TRPM8: variants seen among roughly 807,000 people sequenced by gnomAD.
The protein encoded by TRPM8 is transient receptor potential cation channel subfamily M member 8.
In TRPM8, 110 loss-of-function variants were observed where a neutral mutation model predicts 133.7. The ratio of observed to expected loss-of-function variants is 0.82; its 90% CI spans 0.70 to 0.96. The LOEUF (loss-of-function observed/expected upper bound fraction) is 0.96. Among genes scored for constraint, TRPM8 ranks in the 40% least tolerant of loss-of-function variants. The probability of loss-of-function intolerance (pLI) is 0.00; values close to 1 mark genes in which losing one functional copy is unlikely to be tolerated. For missense variants in TRPM8, 1,291 were observed against 1,379.5 expected (o/e 0.94, Z 1.02); for synonymous variants, 535 against 532.3 (o/e 1.01, Z -0.07).
chr2:234,017,178 G>A (rs1692976155), intron 25 of TRPM8, 121 bp from the exon 26 acceptor site: 4 of 352,996 alleles, frequency 1.1e-5, no homozygotes, highest in Admixed American at 3.9e-5. Context: ...CTCAACTTTG[G>A]TGGTATATTT....
intron 17 of TRPM8, among the ~76,000 whole-genome samples, chr2:233,978,721 C>T (rs1691931931): frequency 6.6e-6 from 1 of 152,146 alleles, no homozygotes; most frequent in South Asian, 2.1e-4. Flanking sequence ...CTGCAATAAA[C>T]ATCCTATTTA....
At chr2:233,942,071 C>CTGTTTTTTTTTTTTTTTTTTTTTTTTT (rs1553656129) in intron 5 of TRPM8, among the ~76,000 whole-genome samples, 1 of 111,704 alleles carries the variant, frequency 9.0e-6, no homozygotes, top group African/African-American at 3.9e-5. Context: ...GGTCAAGAAT[C>CTGTTTTTTTTTTTTTTTTTTTTTTTTT]TTTTTTTTTT....
intron 1 of TRPM8, among the ~76,000 whole-genome samples, chr2:233,919,005 A>G (rs1206630500): frequency 1.3e-5 from 2 of 151,828 alleles, no homozygotes; most frequent in Non-Finnish European, 2.9e-5. Flanking sequence ...TCTCTCATTC[A>G]GTGTGCAAAG....
At chr2:233,930,533 A>C in intron 2 of TRPM8, 135 bp from the exon 3 acceptor site, 1 of 596,294 alleles carries the variant, frequency 1.7e-6, no homozygotes, top group South Asian at 3.4e-5. Flanking sequence ...GGCATGAACA[A>C]ATGCTGGATG....
Position 233,970,366 on chromosome 2 carries a change from C to T in TRPM8, c.2295C>T (p.His765=), listed in dbSNP as rs201204922. ...TCATGGATTTCCATTCGGTGCCACA[C>T]CCCCCCGAGCTGGTCCTGTACTCGC... ...VLLMDFHSVP[H]PPELVLYSLV... is the part of the protein sequence containing the mutation. The change falls in exon 17 of 26, where the codon CAC becomes CAT. Residue 765 remains histidine, a synonymous_variant. Transcript: ENST00000324695. 5.6e-6 allele frequency: 9 copies of T among 1,613,964 alleles called. No individual in the cohort carries two copies. The highest frequency in any genetic ancestry group is 1.3e-5 in the African/African-American group (1 of 74,968).
At chr2:233,965,053 T>TC (rs1468632125) in intron 14 of TRPM8, among the ~76,000 whole-genome samples, 64 of 123,790 alleles carry the variant, frequency 5.2e-4, no homozygotes, top group African/African-American at 1.7e-3. Context: ...CTTTTTTTTG[T>TC]GGGGGGGGGG....
intron 20 of TRPM8, among the ~76,000 whole-genome samples, chr2:233,984,070 C>T (rs929747635): frequency 1.3e-5 from 2 of 152,202 alleles, no homozygotes; most frequent in African/African-American, 2.4e-5. Context: ...ATTTCATCCT[C>T]ATAACAACCC....
chr2:233,930,008 C>G (rs570987592), intron 2 of TRPM8, among the ~76,000 whole-genome samples: 103 of 152,268 alleles, frequency 6.8e-4, no homozygotes, highest in Non-Finnish European at 1.3e-3. Flanking sequence ...ATCGGATTGT[C>G]TGTCTCATTC....
chr2:233,947,355 G>A, intron 8 of TRPM8, 200 bp downstream of exon 8: 1 of 1,535,796 alleles, frequency 6.5e-7, no homozygotes, highest in South Asian at 1.2e-5. Flanking sequence ...GAATTTCAGT[G>A]ACATGAATAA....
In TRPM8 at chr2:233,949,597, A is replaced by C. The variant is rs182143679; in HGVS notation, c.943-352A>C. ...AGATAAGCTATCAACAATAATGCTG[A>C]ATACAGTCTTAATACATGTCACTCA... On this transcript the variant is annotated intron_variant, in intron 8 of 25. Coordinates refer to ENST00000324695, the MANE Select transcript of TRPM8 (RefSeq NM_024080.5). 1.5e-3 allele frequency among the ~76,000 whole-genome samples: 229 copies of C among 152,330 alleles called. 2 individuals are homozygous for C. Among genetic ancestry groups the C allele is most frequent in the Admixed American group, 4.4e-3 (68 of 15,302 alleles).
rs1691057949 is a variant in TRPM8 at position 233,946,922 on chromosome 2, G to T, written c.875-166G>T. Among the ~76,000 whole-genome samples the T allele has an allele frequency of 2.0e-5, 3 of 152,192 alleles. 1 individual carries two copies. The South Asian group carries it at 6.2e-4, about 32-fold the overall frequency. On this transcript the variant is annotated intron_variant, in intron 7 of 25. Coordinates refer to ENST00000324695, the MANE Select transcript of TRPM8 (RefSeq NM_024080.5). Reference sequence around the variant, plus strand: ...TGCTATTACTAGTGTGGAGCAAAAAGACTCATCCGTCTTTAATGAGTGGAT... The same window carrying T: ...TGCTATTACTAGTGTGGAGCAAAAATACTCATCCGTCTTTAATGAGTGGAT...
intron 17 of TRPM8, among the ~76,000 whole-genome samples, chr2:233,974,068 G>T (rs1691802534): frequency 6.6e-6 from 1 of 152,162 alleles, no homozygotes; most frequent in South Asian, 2.1e-4. Flanking sequence ...GGGCTGAAAG[G>T]GTGAGATTGG....
chr2:233,990,593 A>G (rs990315190), intron 21 of TRPM8, among the ~76,000 whole-genome samples: 2 of 152,190 alleles, frequency 1.3e-5, no homozygotes, highest in African/African-American at 4.8e-5. Context: ...TTTTACTATT[A>G]TAATGAGCAC....
chr2:233,947,036 G>A, intron 7 of TRPM8, 52 bp from the exon 8 acceptor site: 2 of 1,549,994 alleles, frequency 1.3e-6, no homozygotes, highest in Non-Finnish European at 1.8e-6. Context: ...CACAGAGGTA[G>A]GTGAGTATTT....
At chr2:233,986,315 G>C (rs1287684728) in intron 21 of TRPM8, among the ~76,000 whole-genome samples, 1 of 152,232 alleles carries the variant, frequency 6.6e-6, no homozygotes, top group East Asian at 1.9e-4. Context: ...AGAATACAAA[G>C]AGCAGAGACT....
At chr2:233,971,825 T>C (rs184822135) in intron 17 of TRPM8, among the ~76,000 whole-genome samples, 18 of 152,104 alleles carry the variant, frequency 1.2e-4, no homozygotes, top group Non-Finnish European at 2.4e-4. Flanking sequence ...AGAACAAAGC[T>C]TCCACACTGT....
chr2:233,933,417 T>C (rs1574697017), intron 3 of TRPM8, among the ~76,000 whole-genome samples: 1 of 152,214 alleles, frequency 6.6e-6, no homozygotes, highest in Non-Finnish European at 1.5e-5. Context: ...TTGGACGGTG[T>C]AGTTCTACAG....
intron 17 of TRPM8, among the ~76,000 whole-genome samples, chr2:233,971,892 T>C (rs571991818): frequency 1.3e-5 from 2 of 152,286 alleles, no homozygotes; most frequent in African/African-American, 2.4e-5. Flanking sequence ...TTTTATTCTC[T>C]TATCTGGCCC....
chr2:233,980,284 G>C lies in TRPM8; in HGVS notation c.2447+5G>C. ...CATAGCAGGAATTGTATTTCGGTAAGTAGTCTCATCACTTTTCCTAATTTT... is the reference window on the plus strand; with the variant it reads ...CATAGCAGGAATTGTATTTCGGTAACTAGTCTCATCACTTTTCCTAATTTT... On this transcript the variant is annotated splice_donor_5th_base_variant and intron_variant, in intron 18 of 25. Coordinates refer to ENST00000324695, the MANE Select transcript of TRPM8 (RefSeq NM_024080.5). 3 of 1,579,064 alleles carry C rather than the reference G, an allele frequency of 1.9e-6. No homozygotes were observed. Among genetic ancestry groups the C allele is most frequent in the Non-Finnish European group, 2.6e-6 (3 of 1,163,650 alleles).
Sources: allele counts gnomAD v4.1 joint callset (sites outside exome capture counted in the v4.1 genomes callset), GRCh38; gene constraint gnomAD v4.1.1; transcripts MANE v1.5; gene names NCBI Gene and HGNC (gene_info 2026-07-23, HGNC 2026-07-21).